PCDHGB3: variants seen among roughly 807,000 people sequenced by gnomAD.
The protein encoded by PCDHGB3 is protocadherin gamma-B3.
In PCDHGB3, 40 loss-of-function variants were observed where a neutral mutation model predicts 59.2. That is an observed-to-expected ratio of 0.68 (90% confidence interval 0.52 to 0.88). The LOEUF (loss-of-function observed/expected upper bound fraction) is 0.88, where lower values mean the gene tolerates loss of function less well. Ranked by LOEUF, PCDHGB3 falls within the 40% of genes least tolerant of loss-of-function variation. The pLI is 0.00. For synonymous variants in PCDHGB3, 581 were observed against 503.6 expected (o/e 1.15, Z -2.06); for missense variants, 1,309 against 1,187.9 (o/e 1.10, Z -1.50).
intron 3 of PCDHGB3, among the ~76,000 whole-genome samples, chr5:141,507,571 G>A (rs2099861692): frequency 6.6e-6 from 1 of 152,254 alleles, no homozygotes; most frequent in Non-Finnish European, 1.5e-5. Flanking sequence ...TGGGTCTGAG[G>A]AGATGCCAAG....
rs1008039711 is a variant in PCDHGB3 at position 141,394,856 on chromosome 5, G to C, written c.2415+22047G>C. 4 of 1,613,674 alleles carry C rather than the reference G, an allele frequency of 2.5e-6. No individual in the cohort carries two copies. In the African/African-American group the frequency reaches 5.3e-5, roughly 22 times the overall value. On this transcript the variant is annotated intron_variant, in intron 1 of 3. Coordinates refer to ENST00000576222, the MANE Select transcript of PCDHGB3 (RefSeq NM_018924.5). ...CCGAGTTGGGCAGTCTGAAGCCTTC[G>C]GTCGACCCGAACGATTCGAGCCTTA... is the stretch of plus-strand genomic sequence containing the variant.
At chr5:141,410,191 C>T in intron 1 of PCDHGB3, 1 of 1,613,994 alleles carries the variant, frequency 6.2e-7, no homozygotes, top group Non-Finnish European at 8.5e-7. Context: ...TTCATCTGGT[C>T]TTCGCAGACA....
In PCDHGB3 at chr5:141,388,623, T is replaced by C. The variant is rs767536532; in HGVS notation, c.2415+15814T>C. On this transcript the variant is annotated intron_variant, in intron 1 of 3. Transcript: ENST00000576222. Reference sequence around the variant, plus strand: ...TGCTCCAGTGTTCAGTCAAGACGTATACAGGGTGAGCCTTTCAGAAAACGT... The same window carrying C: ...TGCTCCAGTGTTCAGTCAAGACGTACACAGGGTGAGCCTTTCAGAAAACGT... 3.6e-5 allele frequency: 58 copies of C among 1,613,846 alleles called. No individual in the cohort carries two copies. The highest frequency in any genetic ancestry group is 4.8e-5 in the Non-Finnish European group (57 of 1,179,886).
In PCDHGB3 at chr5:141,432,582, T is replaced by A. The variant is rs1561862595; in HGVS notation, c.2415+59773T>A. 2 of 1,613,236 alleles carry A rather than the reference T, an allele frequency of 1.2e-6. No homozygotes were observed. The highest frequency in any genetic ancestry group is 1.7e-6 in the Non-Finnish European group (2 of 1,179,922). On this transcript the variant is annotated intron_variant, in intron 1 of 3. Transcript: ENST00000576222. This position sits in a 1 kb window ranked among gnomAD's most constrained non-coding sequence, Gnocchi z 6.0. ...CAGAACGCCTGGCTGTCCTACCGTC[T>A]GCTCAAGGCCAGCGAGCCGGGACTC...
intron 1 of PCDHGB3, chr5:141,402,874 C>T: frequency 2.7e-6 from 4 of 1,460,728 alleles, no homozygotes; most frequent in South Asian, 1.5e-5. Flanking sequence ...GATCACCATA[C>T]TTTGCAGGGT....
At chr5:141,377,180 A>G (rs1032248697) in intron 1 of PCDHGB3, 4 of 152,210 alleles carry the variant, frequency 2.6e-5, no homozygotes, top group African/African-American at 9.7e-5. Flanking sequence ...TCTTCTTGGC[A>G]AACTATTTGT....
At chr5:141,447,957 A>T (rs1460497437) in intron 1 of PCDHGB3, among the ~76,000 whole-genome samples, 3 of 151,910 alleles carry the variant, frequency 2.0e-5, no homozygotes, top group African/African-American at 7.3e-5. Context: ...ATGGTGGCGG[A>T]CACCTATAAT....
At chr5:141,478,567 C>T (rs371741874) in intron 1 of PCDHGB3, 20 of 1,593,698 alleles carry the variant, frequency 1.3e-5, no homozygotes, top group Non-Finnish European at 1.7e-5. Flanking sequence ...GCAAGTCATG[C>T]TTGACCCTGT....
intron 1 of PCDHGB3, chr5:141,405,100 G>A (rs764536213): frequency 1.2e-6 from 2 of 1,613,924 alleles, no homozygotes; most frequent in Non-Finnish European, 1.7e-6. Context: ...CCCTCAGGCT[G>A]AGGCACTGGC....
chr5:141,423,058 A>G (rs1235938743), intron 1 of PCDHGB3: 3 of 1,614,022 alleles, frequency 1.9e-6, no homozygotes, highest in African/African-American at 2.7e-5. Flanking sequence ...TCGCCTGCTT[A>G]AGGCCAGCGA....
intron 1 of PCDHGB3, chr5:141,427,862 C>T (rs748112227): frequency 2.6e-6 from 4 of 1,556,778 alleles, no homozygotes; most frequent in East Asian, 4.5e-5. Context: ...TGTGCGCCTT[C>T]GAGCTCACGA....
chr5:141,472,281 C>A (rs944776124), intron 1 of PCDHGB3, among the ~76,000 whole-genome samples: 2 of 152,202 alleles, frequency 1.3e-5, no homozygotes, highest in Non-Finnish European at 2.9e-5. Context: ...GTGGCTCACA[C>A]CTGTAATCCC....
intron 1 of PCDHGB3, chr5:141,398,338 G>A (rs1261830149): frequency 4.4e-6 from 6 of 1,375,730 alleles, no homozygotes; most frequent in Non-Finnish European, 6.0e-6. Context: ...CGTCAGTTCG[G>A]AGAAGCCTTA....
chr5:141,394,789 C>G (rs747304715), intron 1 of PCDHGB3: 1 of 1,613,728 alleles, frequency 6.2e-7, no homozygotes, highest in Non-Finnish European at 8.5e-7. Context: ...GCCACTGTCA[C>G]GCTCACCGTA....
intron 1 of PCDHGB3, chr5:141,423,381 G>T (rs2154550114): frequency 6.2e-7 from 1 of 1,614,204 alleles, no homozygotes; most frequent in East Asian, 2.2e-5. Flanking sequence ...TCAGGCTGTG[G>T]CGCTGGCATA....
intron 1 of PCDHGB3, among the ~76,000 whole-genome samples, chr5:141,456,702 C>A (rs1185842343): frequency 6.6e-6 from 1 of 152,062 alleles, no homozygotes; most frequent in African/African-American, 2.4e-5. Flanking sequence ...TGGTGGCTCG[C>A]GCCTGTAATC....
At chr5:141,398,575 A>G in intron 1 of PCDHGB3, 1 of 1,614,046 alleles carries the variant, frequency 6.2e-7, no homozygotes, top group South Asian at 1.1e-5. Flanking sequence ...ACAGCCTGGC[A>G]CAAGATTTAT....
In PCDHGB3 at chr5:141,406,055, T is replaced by C. The variant is rs2094752189; in HGVS notation, c.2415+33246T>C. 5.3e-5 allele frequency among the ~76,000 whole-genome samples: 8 copies of C among 150,380 alleles called. No individual in the cohort carries two copies. In the South Asian group the frequency reaches 1.5e-3, roughly 28 times the overall value. On this transcript the variant is annotated intron_variant, in intron 1 of 3. Transcript: ENST00000576222. ...CTTCATTGGTTGCAGTGGACTCATA[T>C]CATAAAATTCTTACTCCTTTTTTTT...
intron 1 of PCDHGB3, among the ~76,000 whole-genome samples, chr5:141,460,951 G>GTATA (rs200454978): frequency 7.9e-5 from 11 of 139,774 alleles, no homozygotes; most frequent in Middle Eastern, 3.7e-3. Context: ...TATGTATTAT[G>GTATA]TATATATATA....
Sources: allele counts gnomAD v4.1 joint callset (sites outside exome capture counted in the v4.1 genomes callset), GRCh38; gene constraint gnomAD v4.1.1; non-coding constraint Gnocchi (gnomAD v3.1); transcripts MANE v1.5; gene names NCBI Gene and HGNC (gene_info 2026-07-23, HGNC 2026-07-21).